IFNG-AS1: variants seen among roughly 807,000 people sequenced by gnomAD.
IFNG-AS1 encodes the protein IFNG regulatory antisense RNA 1.
chr12:68,006,188 T>C (rs977194852), intron 3 of IFNG-AS1: 1 of 152,206 alleles, frequency 6.6e-6, no homozygotes, highest in African/African-American at 2.4e-5. Flanking sequence ...ACTAAGGAAT[T>C]TGATTTTTAC....
chr12:68,010,440 A>G (rs932618361), intron 3 of IFNG-AS1, among the ~76,000 whole-genome samples: 1 of 152,162 alleles, frequency 6.6e-6, no homozygotes, highest in Non-Finnish European at 1.5e-5. Context: ...TGCATGCCTC[A>G]TCTTCTTGCT....
At chr12:68,015,798 A>T (rs1299284197) in intron 3 of IFNG-AS1, among the ~76,000 whole-genome samples, 1 of 152,214 alleles carries the variant, frequency 6.6e-6, no homozygotes, top group East Asian at 1.9e-4. Context: ...CAATTCAACA[A>T]GTGTTGACTA....
chr12:67,994,937 T>C (rs1213005081), intron 1 of IFNG-AS1, among the ~76,000 whole-genome samples: 1 of 152,220 alleles, frequency 6.6e-6, no homozygotes, highest in Non-Finnish European at 1.5e-5. Flanking sequence ...CAGAAAGTGG[T>C]GAAACTAATA....
chr12:67,993,088 C>T (rs1879552982), intron 1 of IFNG-AS1, among the ~76,000 whole-genome samples: 1 of 152,170 alleles, frequency 6.6e-6, no homozygotes, highest in Non-Finnish European at 1.5e-5. Flanking sequence ...ACAAACAGGT[C>T]CCCATTAGGC....
chr12:67,995,502 T>C (rs187826622), intron 1 of IFNG-AS1, among the ~76,000 whole-genome samples: 30 of 145,760 alleles, frequency 2.1e-4, no homozygotes, highest in African/African-American at 6.6e-4. Context: ...GCGGGCAGAT[T>C]ACGAGGTCAG....
intron 3 of IFNG-AS1, among the ~76,000 whole-genome samples, chr12:68,018,807 A>C (rs1880216833): frequency 6.6e-6 from 1 of 151,070 alleles, no homozygotes; most frequent in Non-Finnish European, 1.5e-5. Context: ...TTATACTTTA[A>C]GTTCTAAGTC....
At chr12:67,999,806 G>C (rs986440807) in intron 2 of IFNG-AS1, among the ~76,000 whole-genome samples, 1 of 152,096 alleles carries the variant, frequency 6.6e-6, no homozygotes, top group African/African-American at 2.4e-5. Context: ...CTCTCTCTAC[G>C]AAGTCCTTAT....
At chr12:68,001,449 T>C in intron 2 of IFNG-AS1, 1 of 242,050 alleles carries the variant, frequency 4.1e-6, no homozygotes, top group South Asian at 6.3e-5. Context: ...TAGGTGCTCT[T>C]ATTACCAGTT....
chr12:67,995,430 A>G (rs1388551632), intron 1 of IFNG-AS1, among the ~76,000 whole-genome samples: 1 of 149,616 alleles, frequency 6.7e-6, no homozygotes, highest in Non-Finnish European at 1.5e-5. Context: ...AAAAAAAAAA[A>G]AAAAAAAAAG....
chr12:68,017,744 G>A (rs1880188712), intron 3 of IFNG-AS1, among the ~76,000 whole-genome samples: 1 of 152,108 alleles, frequency 6.6e-6, no homozygotes, highest in South Asian at 2.1e-4. Flanking sequence ...TAGAGAGGTG[G>A]CATAGAGAAT....
chr12:68,020,701 G>C (rs1267497098), intron 4 of IFNG-AS1: 1 of 152,132 alleles, frequency 6.6e-6, no homozygotes, highest in African/African-American at 2.4e-5. Flanking sequence ...ACCAAGAAGA[G>C]CCAACAGAGT....
chr12:68,004,201 C>T (rs1242818527), intron 2 of IFNG-AS1, among the ~76,000 whole-genome samples: 1 of 152,178 alleles, frequency 6.6e-6, no homozygotes, highest in Non-Finnish European at 1.5e-5. Flanking sequence ...TCCTCATAAA[C>T]ATCTACCTCA....
intron 3 of IFNG-AS1, among the ~76,000 whole-genome samples, chr12:68,017,729 C>T (rs1336526643): frequency 6.6e-6 from 1 of 152,090 alleles, no homozygotes; most frequent in African/African-American, 2.4e-5. Context: ...TAAGAAGGCT[C>T]AATCTAGAGA....
chr12:68,014,081 G>A (rs978614701), intron 3 of IFNG-AS1, among the ~76,000 whole-genome samples: 5 of 152,126 alleles, frequency 3.3e-5, no homozygotes, highest in Admixed American at 1.3e-4. Flanking sequence ...TAGAATAATA[G>A]TCTCCAGTCT....
chr12:68,008,266 A>T (rs1369189395), intron 3 of IFNG-AS1, among the ~76,000 whole-genome samples: 2 of 152,226 alleles, frequency 1.3e-5, no homozygotes, highest in East Asian at 3.9e-4. Context: ...AATGCAAAAA[A>T]TTAACCAGGC....
exon 2 of IFNG-AS1, chr12:67,995,992 G>C (rs1879633454): frequency 6.6e-6 from 1 of 152,138 alleles, no homozygotes; most frequent in Admixed American, 6.5e-5. Context: ...CAATCTTAAG[G>C]ATACAGAAAG....
intron 1 of IFNG-AS1, among the ~76,000 whole-genome samples, chr12:67,993,920 T>C (rs1415664424): frequency 1.3e-5 from 2 of 152,242 alleles, no homozygotes; most frequent in Non-Finnish European, 2.9e-5. Context: ...AATTTAGACA[T>C]GTACAAGTAT....
chr12:68,015,423 G>A (rs1257738732), intron 3 of IFNG-AS1, among the ~76,000 whole-genome samples: 2 of 152,118 alleles, frequency 1.3e-5, no homozygotes, highest in Non-Finnish European at 2.9e-5. Flanking sequence ...TTTCACCTGA[G>A]GTGAGGTAAG....
At chr12:67,998,927 T>C (rs2120428051) in intron 2 of IFNG-AS1, among the ~76,000 whole-genome samples, 1 of 152,264 alleles carries the variant, frequency 6.6e-6, no homozygotes, top group Non-Finnish European at 1.5e-5. Flanking sequence ...ATAAACCCAG[T>C]TAATGTTTAT....
Sources: gnomAD v4.1 joint callset for allele counts (sites outside exome capture counted in the v4.1 genomes callset) on GRCh38, gnomAD v4.1.1 for gene constraint, MANE v1.5 for transcripts, NCBI Gene and HGNC (gene_info 2026-07-23, HGNC 2026-07-21) for gene names.